Variants in FLOT2 observed in about 807,000 individuals in gnomAD.
FLOT2 encodes flotillin-2.
In FLOT2, 35 loss-of-function variants were observed where a neutral mutation model predicts 54.9. That is an observed-to-expected ratio of 0.64 (90% CI 0.49 to 0.84). FLOT2 has a LOEUF of 0.84. Among genes scored for constraint, FLOT2 ranks in the 40% least tolerant of loss-of-function variants. The probability of loss-of-function intolerance (pLI) is 0.00; values close to 1 mark genes in which losing one functional copy is unlikely to be tolerated. For missense variants in FLOT2, 464 were observed against 572.1 expected (o/e 0.81, Z 1.93); for synonymous variants, 207 against 228.9 (o/e 0.90, Z 0.86).
chr17:28,897,440 G>T lies in FLOT2; in HGVS notation c.49+86C>A, dbSNP rs570530088. 3.3e-5 allele frequency: 44 copies of T among 1,335,920 alleles called. 2 individuals are homozygous for T. In the South Asian group the frequency reaches 4.9e-4, roughly 15 times the overall value. The allele number at this position is 1,335,920 out of a possible 1,614,324, so 82.8% of individuals were successfully genotyped here. On this transcript the variant is annotated intron_variant, in intron 1 of 10. Transcript: ENST00000394908. The surrounding 1 kb of genome is among the most constrained non-coding windows in gnomAD (Gnocchi z 4.4). ...CGCCCTGCGCCGCGCGGTGGACTCAGGCCCAGCTCTTCCCCGTGCACTCCC... is the reference window on the plus strand; with the variant it reads ...CGCCCTGCGCCGCGCGGTGGACTCATGCCCAGCTCTTCCCCGTGCACTCCC...
At chr17:28,886,372 T>C (rs2039547467) in intron 2 of FLOT2, among the ~76,000 whole-genome samples, 1 of 152,142 alleles carries the variant, frequency 6.6e-6, no homozygotes, top group African/African-American at 2.4e-5. Context: ...TTTCCAGAAA[T>C]CGGGAGTGGG....
intron 2 of FLOT2, 127 bp downstream of exon 2, chr17:28,888,814 CTCCA>C: frequency 1.8e-6 from 1 of 550,764 alleles, no homozygotes; most frequent in East Asian, 3.7e-5. Flanking sequence ...AACCCCACCC[CTCCA>C]CCGCCAGAAT....
chr17:28,891,395 G>A (rs187574223), intron 1 of FLOT2, among the ~76,000 whole-genome samples: 1 of 152,292 alleles, frequency 6.6e-6, no homozygotes, highest in East Asian at 1.9e-4. Flanking sequence ...CTGTGTATGT[G>A]AGTGACAGGG....
rs2039759344 is a variant in FLOT2 at position 28,897,331 on chromosome 17, G to A, written c.49+195C>T. ...CCCACAGCGGGAGGGGGAGCCCCTG[G>A]TGGGTGCCCGAGGGTGCGCAGCAAG... On this transcript the variant is annotated intron_variant, in intron 1 of 10. Transcript: ENST00000394908. This position sits in a 1 kb window ranked among gnomAD's most constrained non-coding sequence, Gnocchi z 4.4. Among the ~76,000 whole-genome samples the A allele has an allele frequency of 6.6e-6, 1 of 152,256 alleles. No homozygotes were observed. The highest frequency in any genetic ancestry group is 1.5e-5 in the Non-Finnish European group (1 of 68,042).
In FLOT2 at chr17:28,884,301, A is replaced by T; in HGVS notation, c.146T>A (p.Ile49Asn). 1 of 1,609,584 alleles carries T rather than the reference A, an allele frequency of 6.2e-7. No homozygotes were observed. Among genetic ancestry groups the T allele is most frequent in the South Asian group, 1.1e-5 (1 of 90,796 alleles). ...CTCGCAGCGGGGCTGCAACGTCATAATCTCTAGGGAAATCCTGCCAAGAAA... is the reference window on the plus strand; with the variant it reads ...CTCGCAGCGGGGCTGCAACGTCATATTCTCTAGGGAAATCCTGCCAAGAAA... ...ISDTQRISLEIMTLQPRCEDV... is the reference protein window; with the variant it reads ...ISDTQRISLENMTLQPRCEDV... Residue 49 changes from isoleucine (I) to asparagine (N), a missense_variant, in exon 3 of 11, where the codon ATT becomes AAT. Ile to Asn is a moderately radical substitution (Grantham distance 149). Transcript: ENST00000394908. This position sits in a 1 kb window ranked among gnomAD's most constrained non-coding sequence, Gnocchi z 5.1.
intron 2 of FLOT2, among the ~76,000 whole-genome samples, chr17:28,887,948 C>T (rs1010259757): frequency 2.6e-5 from 4 of 152,212 alleles, no homozygotes; most frequent in Admixed American, 1.3e-4. Context: ...CCATTCCCCC[C>T]GACCCTAGCA....
rs551710915 is a variant in FLOT2, at chr17:28,889,730, C to T, written c.50-704G>A. 1.3e-5 allele frequency among the ~76,000 whole-genome samples: 2 copies of T among 152,112 alleles called. 1 individual carries two copies. The highest frequency in any genetic ancestry group is 4.1e-4 in the South Asian group (2 of 4,822). On this transcript the variant is annotated intron_variant, in intron 1 of 10. Coordinates refer to ENST00000394908, the MANE Select transcript of FLOT2 (RefSeq NM_004475.3). ...TCTTGGCTCACTGCAACCTCTGCCT[C>T]CCAGGTTCAAGCAATTCTCCTGCCT...
chr17:28,889,334 CT>C (rs549356750), intron 1 of FLOT2, among the ~76,000 whole-genome samples: 411 of 144,028 alleles, frequency 2.9e-3, no homozygotes, highest in African/African-American at 6.0e-3. Flanking sequence ...TCTGAAAAAG[CT>C]TTTTTTTTTT....
Position 28,897,373 on chromosome 17 carries a change from G to C in FLOT2, c.49+153C>G. 1 of 641,378 alleles carries C rather than the reference G, an allele frequency of 1.6e-6. No homozygotes were observed. The highest frequency in any genetic ancestry group is 1.9e-5 in the African/African-American group (1 of 51,622). The allele number at this position is 641,378 out of a possible 1,614,324, so 39.7% of individuals were successfully genotyped here. A position where few individuals can be genotyped will look rare whatever the true frequency, so the allele number is the denominator to read the frequency against. ...CGCAGCAAGGAAAGCGTGAGCACGA[G>C]ATCTCTCTTGGAAGGGGCCTCAGGT... is the stretch of plus-strand genomic sequence containing the variant. On this transcript the variant is annotated intron_variant, in intron 1 of 10. Transcript: ENST00000394908. The surrounding 1 kb of genome is among the most constrained non-coding windows in gnomAD (Gnocchi z 4.4).
chr17:28,897,667 C>T lies in FLOT2; in HGVS notation c.-93G>A, dbSNP rs2152651836. Reference sequence around the variant, plus strand: ...CGGCCGCGCCCAGCCTATCCCGCCACCCCCAGCGGCCGGCCGCCCGCTCGC... The same window carrying T: ...CGGCCGCGCCCAGCCTATCCCGCCATCCCCAGCGGCCGGCCGCCCGCTCGC... On this transcript the variant is annotated 5_prime_UTR_variant, in exon 1 of 11. In the 5' UTR this introduces an upstream ATG that the reference lacks. Transcript: ENST00000394908. The surrounding 1 kb of genome is among the most constrained non-coding windows in gnomAD (Gnocchi z 4.4). 4.4e-6 allele frequency: 5 copies of T among 1,140,760 alleles called. No homozygotes were observed. Among genetic ancestry groups the T allele is most frequent in the Non-Finnish European group, 5.6e-6 (5 of 888,538 alleles). 70.7% of individuals were successfully genotyped at this position (1,140,760 alleles called of 1,614,324 possible).
rs1201732713 is a variant in FLOT2, at chr17:28,897,666, A to T, written c.-92T>A. 3 of 1,158,806 alleles carry T rather than the reference A, an allele frequency of 2.6e-6. No individual in the cohort carries two copies. Among genetic ancestry groups the T allele is most frequent in the Non-Finnish European group, 2.2e-6 (2 of 904,790 alleles). 71.8% of individuals were successfully genotyped at this position (1,158,806 alleles called of 1,614,324 possible). ...CCGGCCGCGCCCAGCCTATCCCGCC[A>T]CCCCCAGCGGCCGGCCGCCCGCTCG... On this transcript the variant is annotated 5_prime_UTR_variant, in exon 1 of 11. Coordinates refer to ENST00000394908, the MANE Select transcript of FLOT2 (RefSeq NM_004475.3). This position sits in a 1 kb window ranked among gnomAD's most constrained non-coding sequence, Gnocchi z 4.4.
rs1567927972 is a variant in FLOT2, at chr17:28,880,709, A to G, written c.1248+4T>C. On this transcript the variant is annotated splice_donor_region_variant and intron_variant, in intron 10 of 10. Transcript: ENST00000394908. Reference sequence around the variant, plus strand: ...AACCCCACCGCAGCTAGGCAGGCACATACCTTAGACAGGTCCACGCCTGTG... The same window carrying G: ...AACCCCACCGCAGCTAGGCAGGCACGTACCTTAGACAGGTCCACGCCTGTG... 2 of 1,614,202 alleles carry G rather than the reference A, an allele frequency of 1.2e-6. No homozygotes were observed. The highest frequency in any genetic ancestry group is 1.7e-6 in the Non-Finnish European group (2 of 1,180,028).
Position 28,882,308 on chromosome 17 carries a change from CT to C in FLOT2, c.579+28del. 1 of 1,613,924 alleles carries C rather than the reference CT, an allele frequency of 6.2e-7. No individual in the cohort carries two copies. The highest frequency in any genetic ancestry group is 2.2e-5 in the East Asian group (1 of 44,872). The stretch of plus-strand genomic sequence containing the variant: ...CTGAGTCATCATGGTCCCATCACCC[CT>C]GAGCTTCCCATCCTTGAACCCACAT... On this transcript the variant is annotated intron_variant, in intron 6 of 10. Coordinates refer to ENST00000394908, the MANE Select transcript of FLOT2 (RefSeq NM_004475.3). The surrounding 1 kb of genome is among the most constrained non-coding windows in gnomAD (Gnocchi z 5.6).
At position 28,897,299 on chromosome 17, in the gene FLOT2, A is replaced by T. The variant is rs1380738011; in HGVS notation, c.49+227T>A. Among the ~76,000 whole-genome samples the T allele has an allele frequency of 6.6e-6, 1 of 152,182 alleles. No individual in the cohort carries two copies. The highest frequency in any genetic ancestry group is 1.5e-5 in the Non-Finnish European group (1 of 68,018). ...AGGGGGAGGAGAAGCAAATAAACAC[A>T]GGAAAACCCACAGCGGGAGGGGGAG... On this transcript the variant is annotated intron_variant, in intron 1 of 10. Coordinates refer to ENST00000394908, the MANE Select transcript of FLOT2 (RefSeq NM_004475.3). This position sits in a 1 kb window ranked among gnomAD's most constrained non-coding sequence, Gnocchi z 4.4.
rs749829587 is a variant in FLOT2, at chr17:28,888,995, G to A, written c.81C>T (p.Tyr27=). ...AGGCCCAGGCCCAGCCGCCAAACACGTACTGTTTATAGTCGGAACCACAAC... is the reference window on the plus strand; with the variant it reads ...AGGCCCAGGCCCAGCCGCCAAACACATACTGTTTATAGTCGGAACCACAAC... The part of the protein sequence containing the change: ...GGCCGSDYKQ[Y]VFGGWAWAWW... Residue 27 remains tyrosine, a synonymous_variant, in exon 2 of 11, where the codon TAC becomes TAT. Coordinates refer to ENST00000394908, the MANE Select transcript of FLOT2 (RefSeq NM_004475.3). 1.6e-5 allele frequency: 26 copies of A among 1,614,014 alleles called. No individual in the cohort carries two copies. The East Asian group carries it at 2.7e-4, about 17-fold the overall frequency.
At chr17:28,896,521 A>G (rs2039743321) in intron 1 of FLOT2, among the ~76,000 whole-genome samples, 1 of 152,092 alleles carries the variant, frequency 6.6e-6, no homozygotes, top group African/African-American at 2.4e-5. Flanking sequence ...CAGTGGAGAG[A>G]TTGATTTTGA....
chr17:28,882,131 T>A lies in FLOT2; in HGVS notation c.686A>T (p.Glu229Val). The change falls in exon 7 of 11, where the codon GAG becomes GTG. Residue 229 changes from glutamate to valine, a missense_variant. Transcript: ENST00000394908. The surrounding 1 kb of genome is among the most constrained non-coding windows in gnomAD (Gnocchi z 5.6). ...FELQKSAFSE[E>V]VNIKTAEAQL... ...CAGGCTGCTCACCTTGATGTTAACC[T>A]CCTCACTGAAGGCTGACTTTTGCAG... is the stretch of plus-strand genomic sequence containing the variant. 1 of 1,614,102 alleles carries A rather than the reference T, an allele frequency of 6.2e-7. No homozygotes were observed. The highest frequency in any genetic ancestry group is 8.5e-7 in the Non-Finnish European group (1 of 1,180,016).
Position 28,897,277 on chromosome 17 carries a change from GGGA to G in FLOT2, c.49+246_49+248del, listed in dbSNP as rs1008778518. 9.2e-5 allele frequency among the ~76,000 whole-genome samples: 14 copies of G among 152,254 alleles called. No homozygotes were observed. The highest frequency in any genetic ancestry group is 1.9e-4 in the East Asian group (1 of 5,204). ...CGGCGGGGAGGCCCGCCTAGGGAGG[GGGA>G]GGAGAAGCAAATAAACACAGGAAAA... On this transcript the variant is annotated intron_variant, in intron 1 of 10. Transcript: ENST00000394908. The surrounding 1 kb of genome is among the most constrained non-coding windows in gnomAD (Gnocchi z 4.4).
rs770061223 is a variant in FLOT2, at chr17:28,882,737, G to T, written c.347-46C>A. The T allele has an allele frequency of 3.9e-6, 5 of 1,288,186 alleles. No individual in the cohort carries two copies. Among genetic ancestry groups the T allele is most frequent in the Non-Finnish European group, 5.6e-6 (5 of 887,096 alleles). The allele number at this position is 1,288,186 out of a possible 1,614,324, so 79.8% of individuals were successfully genotyped here. A position where few individuals can be genotyped will look rare whatever the true frequency, so the allele number is the denominator to read the frequency against. ...GGCTGGCTCCCCAGGGACCCAGCCA[G>T]CTGGGGAAGGGAGGAGGCATGCATG... is the stretch of plus-strand genomic sequence containing the variant. On this transcript the variant is annotated intron_variant, in intron 4 of 10. Coordinates refer to ENST00000394908, the MANE Select transcript of FLOT2 (RefSeq NM_004475.3). This position sits in a 1 kb window ranked among gnomAD's most constrained non-coding sequence, Gnocchi z 5.6.
Sources: allele counts gnomAD v4.1 joint callset (sites outside exome capture counted in the v4.1 genomes callset), GRCh38; gene constraint gnomAD v4.1.1; non-coding constraint Gnocchi (gnomAD v3.1); transcripts MANE v1.5; gene names NCBI Gene and HGNC (gene_info 2026-07-23, HGNC 2026-07-21).